Variants in CSMD2 observed in about 807,000 individuals in gnomAD.
The protein encoded by CSMD2 is CUB and Sushi multiple domains 2, also known as CUB and sushi domain-containing protein 2.
CSMD2 carries 130 observed loss-of-function variants against 398.5 expected under a neutral mutation model. The ratio of observed to expected loss-of-function variants is 0.33; its 90% CI spans 0.28 to 0.38. The LOEUF (loss-of-function observed/expected upper bound fraction) is 0.38. Ranked by LOEUF, CSMD2 falls within the 10% of genes least tolerant of loss-of-function variation. CSMD2 has a pLI of 1.00. For missense variants in CSMD2, 3,829 were observed against 4,764.9 expected (o/e 0.80, Z 5.78); for synonymous variants, 1,828 against 1,908.5 (o/e 0.96, Z 1.10).
Position 33,889,791 on chromosome 1 carries a change from G to A in CSMD2, c.920+28303C>T, listed in dbSNP as rs796161471. 1.3e-4 allele frequency among the ~76,000 whole-genome samples: 20 copies of A among 150,718 alleles called. 1 individual carries two copies. The highest frequency in any genetic ancestry group is 2.1e-4 in the South Asian group (1 of 4,794). ...TGTGTGTGTGTGTGTGTGTGCATGC[G>A]CCAGCGTGTGTGTGTGTAATGCCTA... On this transcript the variant is annotated intron_variant, in intron 5 of 70. Transcript: ENST00000373381.
intron 3 of CSMD2, among the ~76,000 whole-genome samples, chr1:33,940,356 T>C (rs1473098987): frequency 6.6e-6 from 1 of 152,128 alleles, no homozygotes; most frequent in Non-Finnish European, 1.5e-5. Flanking sequence ...GGGTTAAGTC[T>C]TCAACATAGC....
intron 2 of CSMD2, among the ~76,000 whole-genome samples, chr1:34,047,591 T>C (rs967852463): frequency 2.0e-5 from 3 of 152,204 alleles, no homozygotes; most frequent in Non-Finnish European, 4.4e-5. Context: ...TTAGTTCACT[T>C]ATCTAACCCC....
At chr1:33,765,494 T>C (rs573312650) in intron 13 of CSMD2, among the ~76,000 whole-genome samples, 7 of 152,310 alleles carry the variant, frequency 4.6e-5, no homozygotes, top group Non-Finnish European at 8.8e-5. Flanking sequence ...ACTTAATAAA[T>C]TGTGTTGGAA....
At chr1:33,856,487 G>A (rs1295929019) in intron 5 of CSMD2, among the ~76,000 whole-genome samples, 1 of 152,080 alleles carries the variant, frequency 6.6e-6, no homozygotes, top group African/African-American at 2.4e-5. Context: ...TGCCATAGAG[G>A]GTGGCACCGC....
chr1:34,093,965 C>A (rs1323429044), intron 1 of CSMD2, among the ~76,000 whole-genome samples: 1 of 151,442 alleles, frequency 6.6e-6, no homozygotes, highest in Non-Finnish European at 1.5e-5. Context: ...GTCAGATTCA[C>A]CAAAGTTGAA....
intron 1 of CSMD2, among the ~76,000 whole-genome samples, chr1:34,147,765 C>G (rs1639917610): frequency 6.6e-6 from 1 of 152,112 alleles, no homozygotes; most frequent in South Asian, 2.1e-4. Context: ...ACAGGGATGC[C>G]AATTATGGCA....
intron 12 of CSMD2, among the ~76,000 whole-genome samples, chr1:33,787,952 A>T: frequency 6.6e-6 from 1 of 152,170 alleles, no homozygotes; most frequent in Admixed American, 6.5e-5. Context: ...CATCACATGC[A>T]ACCCAATAGG....
intron 6 of CSMD2, among the ~76,000 whole-genome samples, chr1:33,833,262 G>A (rs1480453203): frequency 2.2e-5 from 2 of 93,014 alleles, no homozygotes; most frequent in Non-Finnish European, 3.9e-5. Flanking sequence ...ATAAAATACT[G>A]GCAAACAGAA....
At chr1:33,751,646 G>A (rs149414004) in intron 13 of CSMD2, among the ~76,000 whole-genome samples, 2 of 152,212 alleles carry the variant, frequency 1.3e-5, no homozygotes, top group East Asian at 1.9e-4. Context: ...TTATTGAGAC[G>A]GAGTCTCACT....
intron 5 of CSMD2, among the ~76,000 whole-genome samples, chr1:33,916,197 A>G (rs550634640): frequency 1.0e-3 from 156 of 152,320 alleles, no homozygotes; most frequent in Admixed American, 2.0e-3. Context: ...ATAACTACAG[A>G]TATTTTTAGA....
intron 3 of CSMD2, among the ~76,000 whole-genome samples, chr1:34,029,479 A>C (rs12048266): frequency 0.11 from 16,245 of 152,154 alleles, 1,273 homozygotes; most frequent in East Asian, 0.33. Context: ...GCTGTGGCTG[A>C]CCCTACTCAT....
chr1:33,684,515 C>T (rs1445223459), intron 25 of CSMD2, among the ~76,000 whole-genome samples: 2 of 152,282 alleles, frequency 1.3e-5, no homozygotes, highest in East Asian at 1.9e-4. Context: ...ACCACATTTG[C>T]GCATAAGAAA....
intron 12 of CSMD2, among the ~76,000 whole-genome samples, chr1:33,787,638 C>T (rs997447916): frequency 6.6e-6 from 1 of 152,208 alleles, no homozygotes; most frequent in Non-Finnish European, 1.5e-5. Context: ...TGAGACGATG[C>T]CTAGACTTGA....
chr1:33,829,318 T>G (rs1278360626), intron 6 of CSMD2, among the ~76,000 whole-genome samples: 3 of 152,208 alleles, frequency 2.0e-5, no homozygotes, highest in Admixed American at 2.0e-4. Flanking sequence ...CTAGGCAAGA[T>G]CCACATCACC....
At chr1:33,788,004 T>A (rs1004435444) in intron 12 of CSMD2, among the ~76,000 whole-genome samples, 1 of 152,126 alleles carries the variant, frequency 6.6e-6, no homozygotes, top group African/African-American at 2.4e-5. Flanking sequence ...ATTTTAAAAA[T>A]AAGTGAGGCC....
At chr1:33,995,669 G>A (rs2148013098) in intron 3 of CSMD2, among the ~76,000 whole-genome samples, 1 of 151,886 alleles carries the variant, frequency 6.6e-6, no homozygotes, top group South Asian at 2.1e-4. Flanking sequence ...ACCCCCTCAT[G>A]AGTTTGTTCA....
intron 55 of CSMD2, among the ~76,000 whole-genome samples, chr1:33,553,205 A>G (rs979826475): frequency 2.8e-4 from 43 of 152,274 alleles, no homozygotes; most frequent in Middle Eastern, 3.4e-3. Flanking sequence ...CCCTGTGTTG[A>G]GCAAGCCTAA....
chr1:33,954,184 T>C (rs1645092197), intron 3 of CSMD2, among the ~76,000 whole-genome samples: 1 of 152,146 alleles, frequency 6.6e-6, no homozygotes, highest in African/African-American at 2.4e-5. Context: ...TATAGTACTA[T>C]CATGATCTTG....
chr1:33,713,403 C>T (rs765841747), intron 21 of CSMD2, among the ~76,000 whole-genome samples: 2 of 152,164 alleles, frequency 1.3e-5, no homozygotes, highest in African/African-American at 2.4e-5. Context: ...GTTTTATATA[C>T]TATTTCACTT....
Sources: gnomAD v4.1 joint callset for allele counts (sites outside exome capture counted in the v4.1 genomes callset) on GRCh38, gnomAD v4.1.1 for gene constraint, MANE v1.5 for transcripts, NCBI Gene and HGNC (gene_info 2026-07-23, HGNC 2026-07-21) for gene names.